Variants in FRK observed in about 807,000 individuals in gnomAD.
FRK encodes fyn related Src family tyrosine kinase.
In FRK, 51 loss-of-function variants were observed where a neutral mutation model predicts 56.4. The ratio of observed to expected loss-of-function variants is 0.90; its 90% CI spans 0.72 to 1.14. The LOEUF (loss-of-function observed/expected upper bound fraction) is 1.14. FRK is among the 50% of genes most tolerant of loss of function. The probability of loss-of-function intolerance (pLI) is 0.00; values close to 1 mark genes in which losing one functional copy is unlikely to be tolerated. For missense variants in FRK, 570 were observed against 601.4 expected, an observed-to-expected ratio of 0.95 and a Z score of 0.55; for synonymous variants, 245 against 217.9, an observed-to-expected ratio of 1.12 and a Z score of -1.10.
At chr6:116,033,529 C>T (rs574420189) in intron 1 of FRK, among the ~76,000 whole-genome samples, 1 of 152,092 alleles carries the variant, frequency 6.6e-6, no homozygotes, top group African/African-American at 2.4e-5. Flanking sequence ...AATCTAGGCT[C>T]TAAACAAATT....
intron 1 of FRK, among the ~76,000 whole-genome samples, chr6:116,021,092 A>G (rs939367739): frequency 2.0e-5 from 3 of 152,092 alleles, no homozygotes; most frequent in Non-Finnish European, 4.4e-5. Flanking sequence ...GAAACTAAAA[A>G]GATGAATTAT....
the FRK span, among the ~76,000 whole-genome samples, chr6:116,094,055 C>T: frequency 6.6e-6 from 1 of 152,194 alleles, no homozygotes; most frequent in Non-Finnish European, 1.5e-5. Flanking sequence ...CTTGGTGTTT[C>T]AGAAAGGACA....
chr6:116,031,266 T>G (rs1020104868), intron 1 of FRK, among the ~76,000 whole-genome samples: 6 of 152,158 alleles, frequency 3.9e-5, no homozygotes, highest in African/African-American at 1.4e-4. Flanking sequence ...ATATGTACAC[T>G]GATTACTTTC....
chr6:115,975,047 A>G (rs1263928505), intron 2 of FRK, among the ~76,000 whole-genome samples: 1 of 152,214 alleles, frequency 6.6e-6, no homozygotes, highest in Admixed American at 6.5e-5. Flanking sequence ...TAAGTGAAAT[A>G]TAAATTTCTG....
chr6:116,097,661 A>C, the FRK span, among the ~76,000 whole-genome samples: 1 of 152,238 alleles, frequency 6.6e-6, no homozygotes, highest in Admixed American at 6.5e-5. Flanking sequence ...AATGAAATTT[A>C]ATTCTAGAAA....
intron 4 of FRK, 112 bp downstream of exon 4, chr6:115,967,439 A>G (rs775363751): frequency 1.4e-5 from 14 of 1,030,344 alleles, no homozygotes; most frequent in Non-Finnish European, 1.6e-5. Flanking sequence ...CAATGACCAC[A>G]ACACCTGCTT....
rs145408499 is a variant in FRK, at chr6:115,948,637, T to C, written c.959-4212A>G. On this transcript the variant is annotated intron_variant, in intron 5 of 7. Coordinates refer to ENST00000606080, the MANE Select transcript of FRK (RefSeq NM_002031.3). ...TGTTTTAACTCCCACTTATAACTTA[T>C]GATTGTTAAATCTATATCTCTTGCT... Among the ~76,000 whole-genome samples, 235 of 152,352 alleles carry C rather than the reference T, an allele frequency of 1.5e-3. 1 individual carries two copies. Among genetic ancestry groups the C allele is most frequent in the Middle Eastern group, 0.014 (4 of 294 alleles).
At chr6:115,974,397 G>T (rs1377399161) in intron 2 of FRK, among the ~76,000 whole-genome samples, 1 of 152,104 alleles carries the variant, frequency 6.6e-6, no homozygotes. Context: ...ATAAATATTT[G>T]CCAGATCTTT....
intron 1 of FRK, among the ~76,000 whole-genome samples, chr6:116,034,711 C>T (rs2114770971): frequency 6.6e-6 from 1 of 152,154 alleles, no homozygotes; most frequent in Admixed American, 6.6e-5. Context: ...AATCTGGATT[C>T]AAATAAACCA....
intron 1 of FRK, among the ~76,000 whole-genome samples, chr6:116,020,988 G>T (rs1007876493): frequency 3.9e-5 from 6 of 152,000 alleles, no homozygotes; most frequent in African/African-American, 1.4e-4. Context: ...GTAAAAAAAA[G>T]GACTAATAAA....
At chr6:116,071,385 A>C in the FRK span, among the ~76,000 whole-genome samples, 2 of 152,278 alleles carry the variant, frequency 1.3e-5, no homozygotes, top group East Asian at 3.9e-4. Context: ...ATCAAAGAAA[A>C]TATACGAATT....
At chr6:115,946,876 G>T (rs1435523089) in intron 5 of FRK, among the ~76,000 whole-genome samples, 1 of 152,112 alleles carries the variant, frequency 6.6e-6, no homozygotes, top group Non-Finnish European at 1.5e-5. Flanking sequence ...TAAGACATTT[G>T]TCGAATATAA....
At chr6:116,000,073 A>AT (rs1774994960) in intron 2 of FRK, among the ~76,000 whole-genome samples, 1 of 152,040 alleles carries the variant, frequency 6.6e-6, no homozygotes, top group Admixed American at 6.6e-5. Flanking sequence ...TATCCTTGTA[A>AT]TTTTTTTCTA....
chr6:116,078,261 G>A, the FRK span, among the ~76,000 whole-genome samples: 1 of 152,218 alleles, frequency 6.6e-6, no homozygotes, highest in East Asian at 1.9e-4. Context: ...GAACGTGGGA[G>A]GATTTGTTAG....
intron 1 of FRK, among the ~76,000 whole-genome samples, chr6:116,007,768 T>C (rs898123655): frequency 6.6e-6 from 1 of 152,190 alleles, no homozygotes. Flanking sequence ...TACACTATAA[T>C]GTTTCTAATC....
intron 5 of FRK, among the ~76,000 whole-genome samples, chr6:115,954,121 A>G (rs1772897265): frequency 1.3e-5 from 2 of 152,204 alleles, no homozygotes; most frequent in South Asian, 4.1e-4. Flanking sequence ...AGAAGTGAGC[A>G]TGTGGATAAA....
chr6:116,057,712 A>G (rs1186495605), intron 1 of FRK, among the ~76,000 whole-genome samples: 1 of 152,210 alleles, frequency 6.6e-6, no homozygotes, highest in African/African-American at 2.4e-5. Context: ...CTGAGAACCA[A>G]TTCCAAGAAG....
intron 1 of FRK, 116 bp downstream of exon 1, chr6:116,059,852 C>T (rs1777549936): frequency 2.3e-6 from 2 of 884,386 alleles, no homozygotes; most frequent in Admixed American, 2.3e-5. Flanking sequence ...CCAGTACTTC[C>T]TCATACTTTT....
intron 1 of FRK, among the ~76,000 whole-genome samples, chr6:116,041,497 C>T (rs900747697): frequency 6.6e-6 from 1 of 152,196 alleles, no homozygotes; most frequent in Non-Finnish European, 1.5e-5. Flanking sequence ...CTGCAGCTCC[C>T]AGCAAGATCA....
Sources: gnomAD v4.1 joint callset for allele counts (sites outside exome capture counted in the v4.1 genomes callset) on GRCh38, gnomAD v4.1.1 for gene constraint, MANE v1.5 for transcripts, NCBI Gene and HGNC (gene_info 2026-07-23, HGNC 2026-07-21) for gene names.